Variants in C21orf58 observed in about 807,000 individuals in gnomAD.
C21orf58 encodes chromosome 21 open reading frame 58.
A neutral mutation model predicts 35.8 loss-of-function variants in C21orf58; 34 were observed. That is an observed-to-expected ratio of 0.95 (90% CI 0.72 to 1.26). C21orf58 has a LOEUF of 1.26. Among genes scored for constraint, C21orf58 ranks in the 50% most tolerant of loss-of-function variants. The pLI is 0.00. For missense variants in C21orf58, 440 were observed against 414.3 expected (o/e 1.06, Z -0.54); for synonymous variants, 191 against 175.8 (o/e 1.09, Z -0.68).
At position 46,301,686 on chromosome 21, in the gene C21orf58, T is replaced by C; in HGVS notation, c.*313A>G. ...ACCTCCGTGATGGAAGAGGGGGATC[T>C]GAGGCTCCCAGGTGGGCCGGCGCCG... is the stretch of plus-strand genomic sequence containing the variant. On this transcript the variant is annotated 3_prime_UTR_variant, in exon 8 of 8. Coordinates refer to ENST00000291691, the MANE Select transcript of C21orf58 (RefSeq NM_058180.5). 1 of 1,149,316 alleles carries C rather than the reference T, an allele frequency of 8.7e-7. No homozygotes were observed. The highest frequency in any genetic ancestry group is 1.1e-6 in the Non-Finnish European group (1 of 935,152). 71.2% of individuals were successfully genotyped at this position (1,149,316 alleles called of 1,614,324 possible).
At chr21:46,320,292 G>A (rs1187335431) in intron 1 of C21orf58, among the ~76,000 whole-genome samples, 1 of 151,902 alleles carries the variant, frequency 6.6e-6, no homozygotes, top group Non-Finnish European at 1.5e-5. Flanking sequence ...TGGTAGAGAT[G>A]GGGTTTCACC....
intron 3 of C21orf58, among the ~76,000 whole-genome samples, chr21:46,316,589 G>T (rs1051235053): frequency 4.6e-5 from 7 of 152,204 alleles, no homozygotes; most frequent in Non-Finnish European, 8.8e-5. Flanking sequence ...CATCACACTG[G>T]AGAGGGGCCG....
In C21orf58 at chr21:46,302,154, C is replaced by G; in HGVS notation, c.814G>C (p.Asp272His). 3 of 1,482,564 alleles carry G rather than the reference C, an allele frequency of 2.0e-6. No homozygotes were observed. Among genetic ancestry groups the G allele is most frequent in the Non-Finnish European group, 2.7e-6 (3 of 1,115,664 alleles). 91.8% of individuals were successfully genotyped at this position (1,482,564 alleles called of 1,614,324 possible). Residue 272 changes from aspartate to histidine, a missense_variant and splice_region_variant, in exon 8 of 8, where the codon GAC (aspartate) becomes CAC (histidine). Physicochemically the swap from Asp to His is moderately conservative, Grantham distance 81. Coordinates refer to ENST00000291691, the MANE Select transcript of C21orf58 (RefSeq NM_058180.5). ...ACCCTCGGGGGCACATGTGGCGGGT[C>G]CTGCCACAGACGCACCTGCTGCTTA... ...MLKALPPALQ[D>H]PPHVPPRVPR...
downstream of C21orf58, chr21:46,300,772 C>G (rs1432609309): frequency 7.8e-7 from 1 of 1,289,290 alleles, no homozygotes; most frequent in Non-Finnish European, 1.0e-6. Flanking sequence ...TTGTGCGGAA[C>G]TTCAGGAATG....
rs1601632254 is a variant in C21orf58 at position 46,303,725 on chromosome 21, ATATATATATATATATATATATTT to A, written c.722-1172_722-1150del. On this transcript the variant is annotated intron_variant, in intron 6 of 7. Transcript: ENST00000291691. The stretch of plus-strand genomic sequence containing the variant: ...ACACACAAAATATATATATATATAT[ATATATATATATATATATATATTT>A]TTTTTTTTTTTTTTTTTTTTGGAGA... Among the ~76,000 whole-genome samples, 4 of 26,216 alleles carry A rather than the reference ATATATATATATATATATATATTT, an allele frequency of 1.5e-4. 1 individual carries two copies. The South Asian group carries it at 5.1e-3, about 34-fold the overall frequency. The allele number at this position is 26,216 out of a possible 152,430, so 17.2% of individuals were successfully genotyped here.
At chr21:46,313,164 C>A in intron 5 of C21orf58, 2 of 565,492 alleles carry the variant, frequency 3.5e-6, no homozygotes, top group African/African-American at 2.0e-5. Flanking sequence ...ATGAAAGCAG[C>A]TACGGACAAT....
At chr21:46,317,308 C>A (rs376201517) in intron 2 of C21orf58, 40 bp from the exon 3 acceptor site, 21 of 1,600,506 alleles carry the variant, frequency 1.3e-5, no homozygotes, top group East Asian at 4.5e-5. Context: ...GGTGGCTCCA[C>A]GCAAAGGCCC....
At position 46,302,667 on chromosome 21, in the gene C21orf58, G is replaced by T. The variant is rs1174838608; in HGVS notation, c.722-91C>A. On this transcript the variant is annotated intron_variant, in intron 6 of 7. Transcript: ENST00000291691. ...AGCATTATAGGACCAGAGAACAGGTGTGTCTGTACACTGTGCAGGTCCCCG... is the reference window on the plus strand; with the variant it reads ...AGCATTATAGGACCAGAGAACAGGTTTGTCTGTACACTGTGCAGGTCCCCG... 6.1e-6 allele frequency: 6 copies of T among 977,224 alleles called. No individual in the cohort carries two copies. In the East Asian group the frequency reaches 1.6e-4, roughly 26 times the overall value. 60.5% of individuals were successfully genotyped at this position (977,224 alleles called of 1,614,324 possible). A position where few individuals can be genotyped will look rare whatever the true frequency, so the allele number is the denominator to read the frequency against.
chr21:46,318,121 C>T lies in C21orf58; in HGVS notation c.200G>A (p.Gly67Asp), dbSNP rs139612839. 1,638 of 1,613,140 alleles carry T rather than the reference C, an allele frequency of 1.0e-3. 29 individuals carry two copies. The East Asian group carries it at 0.03, about 30-fold the overall frequency. The change falls in exon 2 of 8, where the codon GGT (glycine) becomes GAT (aspartate). Residue 67 changes from glycine (G) to aspartate (D), a missense_variant. By Grantham distance (94) the Gly-to-Asp change is moderately conservative (BLOSUM62 -1). Transcript: ENST00000291691. ...FPASNRTREG[G>D]GLWPPLPLQS... ...TAGGGGCAGGGGAGGCCACAGCCCA[C>T]CTCCCTCCCTGGTTCTGTTACTCGC...
Position 46,314,761 on chromosome 21 carries a change from G to C in C21orf58, c.564C>G (p.Ser188=), listed in dbSNP as rs537119416. The C allele has an allele frequency of 9.3e-6, 14 of 1,510,960 alleles. No homozygotes were observed. The East Asian group carries it at 3.5e-4, about 37-fold the overall frequency. The allele number at this position is 1,510,960 out of a possible 1,614,324, so 93.6% of individuals were successfully genotyped here. The change falls in exon 5 of 8, where the codon TCC becomes TCG. Residue 188 remains serine, a synonymous_variant. Transcript: ENST00000291691. ...GCGGGTCTGGGGCCAGCGGGGATGGGGAGGCAGTGGGTAGGATGCCCGTGG... is the reference window on the plus strand; with the variant it reads ...GCGGGTCTGGGGCCAGCGGGGATGGCGAGGCAGTGGGTAGGATGCCCGTGG... ...LPPTGILPTA[S]PSPLAPDPPR...
intron 1 of C21orf58, among the ~76,000 whole-genome samples, chr21:46,321,569 T>C (rs911091737): frequency 4.6e-5 from 7 of 152,226 alleles, no homozygotes; most frequent in Non-Finnish European, 7.3e-5. Context: ...GGCAGATATT[T>C]TGAAGAATGT....
chr21:46,317,991 G>T (rs1294359215), intron 2 of C21orf58, 21 bp downstream of exon 2: 1 of 1,611,522 alleles, frequency 6.2e-7, no homozygotes, highest in Non-Finnish European at 8.5e-7. Flanking sequence ...AAAAACAGGA[G>T]CATCCCGGGC....
At position 46,301,818 on chromosome 21, in the gene C21orf58, C is replaced by A; in HGVS notation, c.*181G>T. ...CAAGGGATGCCCCCTGGAATGGCCC[C>A]GTGACCAGAAAGCGAGCCTGCCCAG... On this transcript the variant is annotated 3_prime_UTR_variant, in exon 8 of 8. Coordinates refer to ENST00000291691, the MANE Select transcript of C21orf58 (RefSeq NM_058180.5). 7.9e-7 allele frequency: 1 copy of A among 1,262,178 alleles called. No individual in the cohort carries two copies. Among genetic ancestry groups the A allele is most frequent in the East Asian group, 3.1e-5 (1 of 31,818 alleles). The allele number at this position is 1,262,178 out of a possible 1,614,324, so 78.2% of individuals were successfully genotyped here.
intron 5 of C21orf58, among the ~76,000 whole-genome samples, chr21:46,314,156 T>A (rs1218873809): frequency 1.1e-5 from 1 of 94,510 alleles, no homozygotes; most frequent in South Asian, 3.4e-4. Context: ...TGGAGTCTTG[T>A]AATCTCCTCT....
chr21:46,318,670 AAGG>A (rs2083062593), intron 1 of C21orf58: 1 of 1,056,798 alleles, frequency 9.5e-7, no homozygotes, highest in South Asian at 3.1e-5. Flanking sequence ...ACTGCCTACC[AAGG>A]AGTTCAGGAA....
At position 46,322,655 on chromosome 21, in the gene C21orf58, G is replaced by A. The variant is rs562420911; in HGVS notation, c.84C>T (p.Gly28=). 6.3e-7 allele frequency: 1 copy of A among 1,593,122 alleles called. No individual in the cohort carries two copies. The change falls in exon 1 of 8, where the codon GGC becomes GGT. Residue 28 remains glycine, a synonymous_variant. Transcript: ENST00000291691. The part of the protein sequence containing the change: ...DRQKLPSPDS[G]HSLLCGWSPG... ...CCCGCTCACCACACAGAAGACTGTG[G>A]CCTGAGTCAGGAGAAGGAAGTTTCT... is the stretch of plus-strand genomic sequence containing the variant.
chr21:46,323,766 G>C lies in C21orf58; in HGVS notation c.-1028C>G. 1 of 286,452 alleles carries C rather than the reference G, an allele frequency of 3.5e-6. No homozygotes were observed. Among genetic ancestry groups the C allele is most frequent in the Non-Finnish European group, 6.8e-6 (1 of 147,286 alleles). 17.7% of individuals were successfully genotyped at this position (286,452 alleles called of 1,614,324 possible). Reference sequence around the variant, plus strand: ...GCCTGGCCCTGTCCGGGTGGTTGCTGAGCACCGTTCGGCGCCGCCCGCGCC... The same window carrying C: ...GCCTGGCCCTGTCCGGGTGGTTGCTCAGCACCGTTCGGCGCCGCCCGCGCC... On this transcript the variant is annotated 5_prime_UTR_variant, in exon 1 of 8. Transcript: ENST00000291691.
At position 46,314,785 on chromosome 21, in the gene C21orf58, G is replaced by T. The variant is rs368939440; in HGVS notation, c.540C>A (p.Pro180=). The change falls in exon 5 of 8, where the codon CCC becomes CCA. Residue 180 remains proline, a synonymous_variant. Transcript: ENST00000291691. ...GGGAGGCAGTGGGTAGGATGCCCGT[G>T]GGGGGCAGCTCTGGGGGCAGGGCTG... is the stretch of plus-strand genomic sequence containing the variant. The part of the protein sequence containing the change: ...LGSALPPELP[P]TGILPTASPS... 1.3e-5 allele frequency: 20 copies of T among 1,529,926 alleles called. No individual in the cohort carries two copies. In the East Asian group the frequency reaches 2.0e-4, roughly 15 times the overall value. The allele number at this position is 1,529,926 out of a possible 1,614,324, so 94.8% of individuals were successfully genotyped here.
At chr21:46,310,830 A>C (rs1176435721) in intron 6 of C21orf58, among the ~76,000 whole-genome samples, 1 of 151,312 alleles carries the variant, frequency 6.6e-6, no homozygotes, top group Admixed American at 6.6e-5. Context: ...TAAATAAATA[A>C]ATAAATAAAT....
Sources: gnomAD v4.1 joint callset for allele counts (sites outside exome capture counted in the v4.1 genomes callset) on GRCh38, gnomAD v4.1.1 for gene constraint, MANE v1.5 for transcripts, NCBI Gene and HGNC (gene_info 2026-07-23, HGNC 2026-07-21) for gene names.